Variants in RAB35 observed in about 807,000 individuals in gnomAD.
RAB35 encodes the protein ras-related protein Rab-35.
In RAB35, 4 loss-of-function variants were observed where a neutral mutation model predicts 28.9. That is an observed-to-expected ratio of 0.14 (90% CI 0.07 to 0.32). RAB35 has a LOEUF of 0.32. Ranked by LOEUF, RAB35 falls within the 10% of genes least tolerant of loss-of-function variation. The pLI, the probability that RAB35 is intolerant of heterozygous loss-of-function variation, is 1.00. For synonymous variants in RAB35, 99 were observed against 105.1 expected, an observed-to-expected ratio of 0.94 and a Z score of 0.35; for missense variants, 128 against 274.0, an observed-to-expected ratio of 0.47 and a Z score of 3.76.
chr12:120,113,817 CAA>C (rs60143564), intron 1 of RAB35, among the ~76,000 whole-genome samples: 22,498 of 112,688 alleles, frequency 0.2, 2,515 homozygotes, highest in African/African-American at 0.36. Flanking sequence ...GACTCCGTCT[CAA>C]AAAAAAAAAA....
Position 120,097,011 on chromosome 12 carries a change from G to C in RAB35, c.*234C>G. On this transcript the variant is annotated 3_prime_UTR_variant, in exon 6 of 6. Transcript: ENST00000229340. Reference sequence around the variant, plus strand: ...GCGGGCAGCGTCCTCGCCAGGTCCAGGCGCCTTGGCCGGGGAGGAGGGGGC... The same window carrying C: ...GCGGGCAGCGTCCTCGCCAGGTCCACGCGCCTTGGCCGGGGAGGAGGGGGC... 6.6e-7 allele frequency: 1 copy of C among 1,508,080 alleles called. No individual in the cohort carries two copies. Among genetic ancestry groups the C allele is most frequent in the Non-Finnish European group, 8.9e-7 (1 of 1,129,420 alleles). 93.4% of individuals were successfully genotyped at this position (1,508,080 alleles called of 1,614,324 possible).
At chr12:120,116,020 A>G (rs906810452) in intron 1 of RAB35, among the ~76,000 whole-genome samples, 2 of 152,222 alleles carry the variant, frequency 1.3e-5, no homozygotes, top group Non-Finnish European at 2.9e-5. Flanking sequence ...GACTTACCTC[A>G]TTTAAACCTC....
intron 1 of RAB35, among the ~76,000 whole-genome samples, chr12:120,113,119 T>A (rs1350078745): frequency 6.6e-6 from 1 of 151,722 alleles, no homozygotes; most frequent in East Asian, 2.0e-4. Context: ...CTCGAATTCC[T>A]GACCTCAGGT....
In RAB35 at chr12:120,098,958, C is replaced by T. The variant is rs372596423; in HGVS notation, c.353-23G>A. The T allele has an allele frequency of 5.0e-6, 8 of 1,613,944 alleles. No homozygotes were observed. In the African/African-American group the frequency reaches 6.7e-5, roughly 13 times the overall value. On this transcript the variant is annotated intron_variant, in intron 4 of 5. Transcript: ENST00000229340. ...CCACTTCAAACGAAGGCAGAGTCAG[C>T]GCAGCCCTGAGGGGCGCAGCCGGCT...
intron 1 of RAB35, among the ~76,000 whole-genome samples, chr12:120,113,642 C>A (rs1171972448): frequency 1.3e-5 from 2 of 152,038 alleles, no homozygotes; most frequent in Non-Finnish European, 2.9e-5. Context: ...AATGGTGAAA[C>A]CCTGTCTCTA....
At chr12:120,102,335 G>C (rs1223595292) in intron 3 of RAB35, among the ~76,000 whole-genome samples, 1 of 152,194 alleles carries the variant, frequency 6.6e-6, no homozygotes, top group Non-Finnish European at 1.5e-5. Flanking sequence ...GGCTTGCCTC[G>C]CCTGGGCCTG....
chr12:120,101,431 C>T (rs1292354297), intron 3 of RAB35, among the ~76,000 whole-genome samples: 1 of 152,238 alleles, frequency 6.6e-6, no homozygotes, highest in Admixed American at 6.5e-5. Context: ...GGCCGGCAAA[C>T]CTCAGCTTCT....
chr12:120,099,938 C>T (rs2139049728), intron 3 of RAB35, among the ~76,000 whole-genome samples: 1 of 152,358 alleles, frequency 6.6e-6, no homozygotes, highest in Non-Finnish European at 1.5e-5. Context: ...GGCCAGGCGG[C>T]AGCCCCGCCC....
chr12:120,096,604 G>A lies in RAB35; in HGVS notation c.*641C>T, dbSNP rs961279602. The A allele has an allele frequency of 1.6e-5, 20 of 1,289,900 alleles. No individual in the cohort carries two copies. The East Asian group carries it at 1.1e-3, about 68-fold the overall frequency. 79.9% of individuals were successfully genotyped at this position (1,289,900 alleles called of 1,614,324 possible). On this transcript the variant is annotated 3_prime_UTR_variant, in exon 6 of 6. Transcript: ENST00000229340. ...AAAGGGCAAGACCTGCCACCTCTGT[G>A]GAACTGCAGGGCCTGCCTTGAGACC...
intron 1 of RAB35, among the ~76,000 whole-genome samples, chr12:120,108,918 C>T (rs1876002145): frequency 6.6e-6 from 1 of 152,230 alleles, no homozygotes; most frequent in Admixed American, 6.5e-5. Flanking sequence ...GGAAAGGACC[C>T]TTGAGATCAT....
At chr12:120,108,800 C>T (rs1875995992) in intron 1 of RAB35, 3 of 468,388 alleles carry the variant, frequency 6.4e-6, no homozygotes, top group Non-Finnish European at 1.2e-5. Context: ...GAAGGTCAAC[C>T]ACACGAAACG....
chr12:120,097,482 AT>A (rs1875472055), intron 5 of RAB35, 109 bp from the exon 6 acceptor site: 3 of 815,560 alleles, frequency 3.7e-6, no homozygotes, highest in Non-Finnish European at 5.9e-6. Context: ...CTACCTGTGC[AT>A]TTTTGGTATG....
intron 3 of RAB35, among the ~76,000 whole-genome samples, chr12:120,101,751 G>T (rs1482640755): frequency 6.6e-6 from 1 of 152,308 alleles, no homozygotes; most frequent in South Asian, 2.1e-4. Flanking sequence ...GACGGCAGCA[G>T]GGGCCCAGCC....
intron 1 of RAB35, among the ~76,000 whole-genome samples, chr12:120,114,894 G>T (rs1876267080): frequency 6.6e-6 from 1 of 152,170 alleles, no homozygotes. Flanking sequence ...AAAGGCTCCT[G>T]ACCACGGCGG....
intron 2 of RAB35, among the ~76,000 whole-genome samples, chr12:120,107,118 C>T (rs562740111): frequency 4.6e-5 from 7 of 152,014 alleles, no homozygotes; most frequent in East Asian, 1.9e-4. Flanking sequence ...CCTCCCCAGT[C>T]GCTAGGATTA....
chr12:120,106,212 G>A (rs1197119420), intron 2 of RAB35, among the ~76,000 whole-genome samples: 1 of 152,178 alleles, frequency 6.6e-6, no homozygotes, highest in Non-Finnish European at 1.5e-5. Flanking sequence ...GAGGGAGGAG[G>A]CCATTAAGGA....
chr12:120,097,035 G>C lies in RAB35; in HGVS notation c.*210C>G. 8 of 1,520,792 alleles carry C rather than the reference G, an allele frequency of 5.3e-6. No individual in the cohort carries two copies. Among genetic ancestry groups the C allele is most frequent in the Non-Finnish European group, 7.0e-6 (8 of 1,137,352 alleles). The allele number at this position is 1,520,792 out of a possible 1,614,324, so 94.2% of individuals were successfully genotyped here. A position where few individuals can be genotyped will look rare whatever the true frequency, so the allele number is the denominator to read the frequency against. Reference sequence around the variant, plus strand: ...AGGCGCCTTGGCCGGGGAGGAGGGGGCACCAGTAGGGAAGGGCGGGCTGGT... The same window carrying C: ...AGGCGCCTTGGCCGGGGAGGAGGGGCCACCAGTAGGGAAGGGCGGGCTGGT... On this transcript the variant is annotated 3_prime_UTR_variant, in exon 6 of 6. Transcript: ENST00000229340.
intron 1 of RAB35, 73 bp from the exon 2 acceptor site, chr12:120,108,540 G>A (rs1875984319): frequency 1.4e-6 from 2 of 1,420,720 alleles, no homozygotes; most frequent in East Asian, 2.3e-5. Flanking sequence ...CTTCTTCCGG[G>A]AGAGGATGCC....
At chr12:120,110,421 CTT>C (rs201716834) in intron 1 of RAB35, among the ~76,000 whole-genome samples, 1,835 of 151,608 alleles carry the variant, frequency 0.012, 18 homozygotes, top group Non-Finnish European at 0.021. Flanking sequence ...CCAGCAAACT[CTT>C]TAAAAATTTT....
Sources: allele counts gnomAD v4.1 joint callset (sites outside exome capture counted in the v4.1 genomes callset), GRCh38; gene constraint gnomAD v4.1.1; transcripts MANE v1.5; gene names NCBI Gene and HGNC (gene_info 2026-07-23, HGNC 2026-07-21).